SULT6B1: variants seen among roughly 807,000 people sequenced by gnomAD.
SULT6B1 encodes the protein sulfotransferase family 6B member 1, also known as sulfotransferase 6B1.
A neutral mutation model predicts 37.2 loss-of-function variants in SULT6B1; 44 were observed. That is an observed-to-expected ratio of 1.18 (90% CI 0.93 to 1.52). The LOEUF is 1.52. SULT6B1 is among the 40% of genes most tolerant of loss of function. The pLI is 0.00. For synonymous variants in SULT6B1, 140 were observed against 126.0 expected (o/e 1.11, Z -0.74); for missense variants, 450 against 361.0 (o/e 1.25, Z -2.00).
intron 3 of SULT6B1, among the ~76,000 whole-genome samples, chr2:37,182,494 C>G (rs1375287631): frequency 6.6e-6 from 1 of 151,764 alleles, no homozygotes; most frequent in Non-Finnish European, 1.5e-5. Flanking sequence ...ACTTTTGCAC[C>G]AACCTAATAT....
chr2:37,193,603 G>GAAGAAGAAGAAA (rs2148304714), upstream of SULT6B1, among the ~76,000 whole-genome samples: 1 of 110,390 alleles, frequency 9.1e-6, no homozygotes, highest in South Asian at 2.9e-4. Context: ...AGAAAAAGAA[G>GAAGAAGAAGAAA]AAGAAGAAGA....
chr2:37,172,151 A>C (rs968860972), intron 5 of SULT6B1, among the ~76,000 whole-genome samples: 2 of 151,950 alleles, frequency 1.3e-5, no homozygotes, highest in African/African-American at 2.4e-5. Context: ...CCTGGGCTCC[A>C]GCAATCCTCA....
At chr2:37,178,265 T>C (rs1676473238) in intron 4 of SULT6B1, among the ~76,000 whole-genome samples, 1 of 151,702 alleles carries the variant, frequency 6.6e-6, no homozygotes, top group African/African-American at 2.4e-5. Context: ...TGAGTTGGAG[T>C]TTTGCTCTGT....
intron 6 of SULT6B1, among the ~76,000 whole-genome samples, chr2:37,168,537 T>A (rs527370791): frequency 3.3e-5 from 5 of 152,268 alleles, no homozygotes; most frequent in African/African-American, 1.2e-4. Flanking sequence ...ATCTGTGGTG[T>A]GGGAGGTGAC....
intron 1 of SULT6B1, 26 bp downstream of exon 1, chr2:37,188,416 C>G (rs1676717604): frequency 6.3e-7 from 1 of 1,596,118 alleles, no homozygotes; most frequent in Non-Finnish European, 8.6e-7. Context: ...GAGAAGTGTA[C>G]TTGTAGGAAA....
intron 2 of SULT6B1, among the ~76,000 whole-genome samples, chr2:37,186,739 A>T (rs149943521): frequency 9.6e-4 from 146 of 151,974 alleles, no homozygotes; most frequent in Middle Eastern, 3.4e-3. Flanking sequence ...AAAAAAAATT[A>T]AAAAAAATTA....
upstream of SULT6B1, chr2:37,191,114 G>C (rs1450585568): frequency 6.6e-6 from 1 of 152,076 alleles, no homozygotes; most frequent in African/African-American, 2.4e-5. Flanking sequence ...GCTAGGGTTG[G>C]AACGCAGGCA....
intron 1 of SULT6B1, among the ~76,000 whole-genome samples, chr2:37,195,173 C>G (rs1284980202): frequency 6.6e-6 from 1 of 152,136 alleles, no homozygotes; most frequent in African/African-American, 2.4e-5. Context: ...TGGTCTTGAA[C>G]TCCTGACCTC....
upstream of SULT6B1, chr2:37,190,079 T>C (rs548639887): frequency 1.3e-5 from 2 of 152,384 alleles, no homozygotes; most frequent in South Asian, 4.1e-4. Flanking sequence ...ATTGTTCATC[T>C]TGTTTGAGCC....
intron 6 of SULT6B1, 32 bp downstream of exon 6, chr2:37,171,402 G>A (rs1434406878): frequency 1.2e-6 from 2 of 1,603,908 alleles, no homozygotes; most frequent in African/African-American, 1.3e-5. Flanking sequence ...GTCCCTAACT[G>A]ATAACAATCC....
At chr2:37,182,774 A>G (rs1045430291) in intron 3 of SULT6B1, among the ~76,000 whole-genome samples, 5 of 152,248 alleles carry the variant, frequency 3.3e-5, no homozygotes, top group Non-Finnish European at 7.3e-5. Flanking sequence ...TACAAGAAAT[A>G]TATCAATACT....
At chr2:37,177,590 G>A (rs986889655) in intron 4 of SULT6B1, among the ~76,000 whole-genome samples, 7 of 152,094 alleles carry the variant, frequency 4.6e-5, no homozygotes, top group Non-Finnish European at 7.4e-5. Context: ...AACTTGTTAT[G>A]AAGTTATGAA....
chr2:37,176,394 G>A (rs148025485), intron 4 of SULT6B1, among the ~76,000 whole-genome samples: 3,519 of 151,088 alleles, frequency 0.023, 65 homozygotes, highest in Middle Eastern at 0.058. Flanking sequence ...TGAGTAGCTG[G>A]GACTACAGGC....
At chr2:37,193,824 C>T (rs1676837185) in intron 1 of SULT6B1, among the ~76,000 whole-genome samples, 1 of 152,182 alleles carries the variant, frequency 6.6e-6, no homozygotes, top group African/African-American at 2.4e-5. Context: ...TTGGAGAGAA[C>T]TAGCACATCT....
At chr2:37,185,136 T>C (rs1222843832) in intron 2 of SULT6B1, among the ~76,000 whole-genome samples, 1 of 152,186 alleles carries the variant, frequency 6.6e-6, no homozygotes, top group Non-Finnish European at 1.5e-5. Flanking sequence ...TTATAGACTG[T>C]GGTTTCCATG....
upstream of SULT6B1, among the ~76,000 whole-genome samples, chr2:37,193,447 GTGAGACTCT>G (rs1558454756): frequency 2.6e-5 from 4 of 151,878 alleles, no homozygotes; most frequent in East Asian, 7.7e-4. Flanking sequence ...GGGTGACAGA[GTGAGACTCT>G]GTCTCAAAAT....
intron 3 of SULT6B1, 87 bp from the exon 4 acceptor site, chr2:37,179,671 C>T (rs918496196): frequency 2.6e-6 from 3 of 1,148,670 alleles, no homozygotes; most frequent in Admixed American, 4.1e-5. Flanking sequence ...ATCATGTCCA[C>T]TCGTATATTA....
chr2:37,191,786 G>A (rs898859151), upstream of SULT6B1, among the ~76,000 whole-genome samples: 6 of 152,148 alleles, frequency 3.9e-5, no homozygotes, highest in Admixed American at 2.0e-4. Context: ...TAGGGCAGCC[G>A]CCCCACATGA....
At chr2:37,180,091 A>C (rs1254606334) in intron 3 of SULT6B1, among the ~76,000 whole-genome samples, 2 of 152,194 alleles carry the variant, frequency 1.3e-5, no homozygotes, top group Non-Finnish European at 2.9e-5. Flanking sequence ...GTTCCTTTGG[A>C]TGAGTAGCAT....
Sources: allele counts gnomAD v4.1 joint callset (sites outside exome capture counted in the v4.1 genomes callset), GRCh38; gene constraint gnomAD v4.1.1; transcripts MANE v1.5; gene names NCBI Gene and HGNC (gene_info 2026-07-23, HGNC 2026-07-21).